Variants in SLIT3 observed in about 807,000 individuals in gnomAD.
The protein encoded by SLIT3 is slit guidance ligand 3, also known as slit homolog 3 protein.
Under a neutral mutation model 184.0 loss-of-function variants are expected in SLIT3, and 68 were observed. The ratio of observed to expected loss-of-function variants is 0.37; its 90% CI spans 0.30 to 0.45. The LOEUF is 0.45. Among genes scored for constraint, SLIT3 ranks in the 20% least tolerant of loss-of-function variants. SLIT3 has a pLI of 1.00. For synonymous variants in SLIT3, 831 were observed against 828.6 expected (o/e 1.00, Z -0.05); for missense variants, 1,707 against 2,026.0 (o/e 0.84, Z 3.02).
intron 4 of SLIT3, among the ~76,000 whole-genome samples, chr5:168,942,283 A>G (rs1026732718): frequency 2.0e-5 from 3 of 152,208 alleles, no homozygotes; most frequent in Non-Finnish European, 4.4e-5. Context: ...TCTCAATGAC[A>G]TTATTGAGCC....
intron 16 of SLIT3, among the ~76,000 whole-genome samples, chr5:168,759,509 G>A (rs1755066942): frequency 6.6e-6 from 1 of 152,150 alleles, no homozygotes; most frequent in Non-Finnish European, 1.5e-5. Context: ...GTATGTCTGG[G>A]GGGCCATTTT....
intron 7 of SLIT3, among the ~76,000 whole-genome samples, chr5:168,818,544 C>T (rs10475893): frequency 1.8e-4 from 28 of 152,352 alleles, no homozygotes; most frequent in African/African-American, 6.0e-4. Context: ...GTTTTCATCA[C>T]GTCAGCTTGT....
At chr5:168,884,581 T>TATATATATATATATATA (rs1760116903) in intron 4 of SLIT3, among the ~76,000 whole-genome samples, 19 of 131,580 alleles carry the variant, frequency 1.4e-4, no homozygotes, top group African/African-American at 2.0e-4. Context: ...TATATATATA[T>TATATATATATATATATA]GAAATTCCAC....
chr5:168,748,949 C>T (rs912877332), intron 19 of SLIT3, among the ~76,000 whole-genome samples: 2 of 152,166 alleles, frequency 1.3e-5, no homozygotes, highest in Admixed American at 6.5e-5. Flanking sequence ...TCCTGAGAAC[C>T]AAAGCCTCAG....
At chr5:168,913,488 C>T (rs981722508) in intron 4 of SLIT3, among the ~76,000 whole-genome samples, 42 of 152,158 alleles carry the variant, frequency 2.8e-4, no homozygotes, top group African/African-American at 9.7e-4. Context: ...AATAATCTGG[C>T]TGGGCATAGT....
At chr5:169,185,384 A>G (rs1763298354) in intron 4 of SLIT3, among the ~76,000 whole-genome samples, 1 of 152,158 alleles carries the variant, frequency 6.6e-6, no homozygotes, top group African/African-American at 2.4e-5. Context: ...CCGGCCTCTG[A>G]AATCCATGCC....
At chr5:168,940,690 T>G (rs928760956) in intron 4 of SLIT3, among the ~76,000 whole-genome samples, 2 of 152,194 alleles carry the variant, frequency 1.3e-5, no homozygotes, top group South Asian at 4.1e-4. Flanking sequence ...CTGAAATGAA[T>G]CTTCCAGATA....
intron 20 of SLIT3, among the ~76,000 whole-genome samples, chr5:168,725,578 C>G (rs1217192399): frequency 6.6e-6 from 1 of 152,234 alleles, no homozygotes; most frequent in Non-Finnish European, 1.5e-5. Context: ...CCTTAAGCTC[C>G]ATGAGGCTAG....
intron 5 of SLIT3, among the ~76,000 whole-genome samples, chr5:168,860,009 C>T (rs1182358730): frequency 1.3e-5 from 2 of 152,190 alleles, no homozygotes; most frequent in Non-Finnish European, 2.9e-5. Context: ...AAATTCAGAA[C>T]ATCACCGTTT....
intron 4 of SLIT3, among the ~76,000 whole-genome samples, chr5:169,126,469 A>G (rs989120821): frequency 3.9e-5 from 6 of 152,246 alleles, no homozygotes; most frequent in Non-Finnish European, 7.3e-5. Context: ...AAAAGAAGTC[A>G]GCATAAGAGA....
chr5:168,840,328 T>G (rs1758198796), intron 6 of SLIT3, among the ~76,000 whole-genome samples: 1 of 152,244 alleles, frequency 6.6e-6, no homozygotes, highest in Admixed American at 6.5e-5. Context: ...TGTCCAAAAG[T>G]ATTTTTTATT....
At chr5:169,250,897 C>A (rs1260779047) in intron 2 of SLIT3, among the ~76,000 whole-genome samples, 1 of 152,224 alleles carries the variant, frequency 6.6e-6, no homozygotes, top group African/African-American at 2.4e-5. Context: ...TCTAGTCCAT[C>A]AATGCCCATT....
At chr5:169,160,074 A>G (rs1221649733) in intron 4 of SLIT3, among the ~76,000 whole-genome samples, 1 of 152,246 alleles carries the variant, frequency 6.6e-6, no homozygotes, top group Non-Finnish European at 1.5e-5. Flanking sequence ...AGATTCATAA[A>G]GAAAAACAAA....
intron 4 of SLIT3, among the ~76,000 whole-genome samples, chr5:169,039,060 T>G (rs1019721455): frequency 1.3e-5 from 2 of 151,990 alleles, no homozygotes; most frequent in African/African-American, 4.8e-5. Context: ...TCTTTTTTTT[T>G]GATTATACTT....
At chr5:169,078,636 A>C (rs1443617139) in intron 4 of SLIT3, among the ~76,000 whole-genome samples, 1 of 152,168 alleles carries the variant, frequency 6.6e-6, no homozygotes, top group Non-Finnish European at 1.5e-5. Context: ...TCATCCTTCT[A>C]AGAAATATGT....
At chr5:169,002,605 G>C (rs1362826178) in intron 4 of SLIT3, among the ~76,000 whole-genome samples, 1 of 152,194 alleles carries the variant, frequency 6.6e-6, no homozygotes, top group African/African-American at 2.4e-5. Flanking sequence ...TATGGGAATG[G>C]CAATGGTGTG....
rs1391748781 is a variant in SLIT3, at chr5:169,300,637, C to G, written c.73G>C (p.Val25Leu). The G allele has an allele frequency of 6.7e-7, 1 of 1,482,032 alleles. No individual in the cohort carries two copies. Among genetic ancestry groups the G allele is most frequent in the African/African-American group, 1.5e-5 (1 of 68,404 alleles). 91.8% of individuals were successfully genotyped at this position (1,482,032 alleles called of 1,614,324 possible). A position where few individuals can be genotyped will look rare whatever the true frequency, so the allele number is the denominator to read the frequency against. Reference sequence around the variant, plus strand: ...GCGACGGCTGGAGGCCCACTCAGGACGCTCGCCAGCGCCAAGGCCAGCGCC... The same window carrying G: ...GCGACGGCTGGAGGCCCACTCAGGAGGCTCGCCAGCGCCAAGGCCAGCGCC... The part of the protein sequence containing the change: ...RLALALALAS[V>L]LSGPPAVACP... Residue 25 changes from valine to leucine, a missense_variant, in exon 1 of 36, where the codon GTC becomes CTC. Transcript: ENST00000519560. This position sits in a 1 kb window ranked among gnomAD's most constrained non-coding sequence, Gnocchi z 4.1.
chr5:168,729,503 GA>G (rs763690219), intron 20 of SLIT3, among the ~76,000 whole-genome samples: 69 of 142,840 alleles, frequency 4.8e-4, no homozygotes, highest in Middle Eastern at 3.6e-3. Flanking sequence ...AGTGCTGAAA[GA>G]AAAAAAAAAA....
At chr5:168,906,157 G>T (rs943651360) in intron 4 of SLIT3, among the ~76,000 whole-genome samples, 2 of 152,130 alleles carry the variant, frequency 1.3e-5, no homozygotes, top group African/African-American at 4.8e-5. Flanking sequence ...GTTCAAGAAA[G>T]GAAAGAAGAA....
Sources: gnomAD v4.1 joint callset for allele counts (sites outside exome capture counted in the v4.1 genomes callset) on GRCh38, gnomAD v4.1.1 for gene constraint, Gnocchi (gnomAD v3.1) non-coding constraint, MANE v1.5 for transcripts, NCBI Gene and HGNC (gene_info 2026-07-23, HGNC 2026-07-21) for gene names.